The following ARL15 variants were observed in gnomAD, a reference collection of about 807,000 sequenced individuals.
ARL15 encodes the protein ADP-ribosylation factor-like protein 15.
Under a neutral mutation model 25.2 loss-of-function variants are expected in ARL15, and 19 were observed. The observed-to-expected ratio is 0.75, with a 90% confidence interval of 0.53 to 1.10. The LOEUF is 1.10. Ranked by LOEUF, ARL15 falls within the 50% of genes least tolerant of loss-of-function variation. ARL15 has a pLI of 0.00. For missense variants in ARL15, 220 were observed against 246.0 expected, an observed-to-expected ratio of 0.89 and a Z score of 0.71; for synonymous variants, 94 against 86.8, an observed-to-expected ratio of 1.08 and a Z score of -0.46.
intron 4 of ARL15, among the ~76,000 whole-genome samples, chr5:54,067,438 TGAAA>T (rs1751276341): frequency 1.3e-5 from 2 of 152,216 alleles, no homozygotes; most frequent in African/African-American, 2.4e-5. Flanking sequence ...CTTGCAGGCA[TGAAA>T]GAAAGGAAAT....
chr5:54,023,214 G>A (rs1416715220), intron 4 of ARL15, among the ~76,000 whole-genome samples: 2 of 151,574 alleles, frequency 1.3e-5, no homozygotes, highest in East Asian at 3.9e-4. Context: ...ACTTGAATTA[G>A]TAAAATGTTG....
intron 1 of ARL15, among the ~76,000 whole-genome samples, chr5:54,296,209 T>G (rs1758462332): frequency 6.6e-6 from 1 of 152,200 alleles, no homozygotes; most frequent in Non-Finnish European, 1.5e-5. Flanking sequence ...TTTGGAAGGC[T>G]GGTAGGGGGA....
At chr5:53,951,089 A>G (rs977447705) in intron 4 of ARL15, among the ~76,000 whole-genome samples, 1 of 152,256 alleles carries the variant, frequency 6.6e-6, no homozygotes, top group African/African-American at 2.4e-5. Context: ...AAGAACATAA[A>G]AATTAGATGA....
chr5:53,932,918 C>T (rs570780032), intron 4 of ARL15, among the ~76,000 whole-genome samples: 12 of 152,158 alleles, frequency 7.9e-5, no homozygotes, highest in Non-Finnish European at 1.6e-4. Flanking sequence ...TCTCCTTTCT[C>T]GTAATCCCCG....
chr5:53,916,713 A>G (rs1396348624), intron 4 of ARL15, among the ~76,000 whole-genome samples: 3 of 152,166 alleles, frequency 2.0e-5, no homozygotes, highest in Non-Finnish European at 4.4e-5. Flanking sequence ...TGAAACAAGA[A>G]AAAGGCCAGA....
intron 4 of ARL15, among the ~76,000 whole-genome samples, chr5:53,896,698 G>C (rs1744886039): frequency 6.6e-6 from 1 of 151,998 alleles, no homozygotes; most frequent in African/African-American, 2.4e-5. Context: ...GGGTTTCACT[G>C]TGTTAGCCAG....
At chr5:54,184,780 A>T (rs1179003225) in intron 1 of ARL15, among the ~76,000 whole-genome samples, 1 of 152,090 alleles carries the variant, frequency 6.6e-6, no homozygotes, top group Non-Finnish European at 1.5e-5. Flanking sequence ...AATCTGTCCA[A>T]CTTTGCCTCT....
At chr5:54,146,129 TTTTTA>T (rs533522763) in intron 3 of ARL15, among the ~76,000 whole-genome samples, 4 of 152,080 alleles carry the variant, frequency 2.6e-5, no homozygotes, top group Non-Finnish European at 5.9e-5. Flanking sequence ...TATTAGTTAT[TTTTTA>T]TTTTATGTAT....
intron 3 of ARL15, among the ~76,000 whole-genome samples, chr5:54,149,906 AC>A (rs576331757): frequency 2.0e-5 from 3 of 152,236 alleles, no homozygotes; most frequent in Non-Finnish European, 4.4e-5. Context: ...ATATAGGAAA[AC>A]AAAAAGTTCA....
chr5:54,042,937 C>T (rs936531046), intron 4 of ARL15, among the ~76,000 whole-genome samples: 3 of 152,046 alleles, frequency 2.0e-5, no homozygotes, highest in African/African-American at 7.2e-5. Flanking sequence ...AAAAAATAAA[C>T]CTATATATAG....
chr5:54,099,992 T>C (rs1752389008), intron 4 of ARL15, among the ~76,000 whole-genome samples: 2 of 149,030 alleles, frequency 1.3e-5, no homozygotes, highest in Admixed American at 6.6e-5. Flanking sequence ...CCTGGGTATA[T>C]CCTGTGACCC....
At chr5:53,979,247 A>G (rs1748041545) in intron 4 of ARL15, among the ~76,000 whole-genome samples, 1 of 152,112 alleles carries the variant, frequency 6.6e-6, no homozygotes, top group Admixed American at 6.6e-5. Flanking sequence ...ATTAAAATTC[A>G]TGGGCTGTGG....
intron 3 of ARL15, among the ~76,000 whole-genome samples, chr5:54,148,785 C>G (rs2112332754): frequency 6.6e-6 from 1 of 152,292 alleles, no homozygotes; most frequent in South Asian, 2.1e-4. Flanking sequence ...AGTCATTTGA[C>G]ACACCCAGTC....
intron 4 of ARL15, among the ~76,000 whole-genome samples, chr5:53,982,507 A>C (rs942499155): frequency 2.6e-5 from 4 of 152,130 alleles, no homozygotes; most frequent in Non-Finnish European, 4.4e-5. Context: ...CCTGCAAAGG[A>C]CATGGATTCA....
At chr5:54,174,636 A>G (rs1754813052) in intron 1 of ARL15, among the ~76,000 whole-genome samples, 1 of 152,196 alleles carries the variant, frequency 6.6e-6, no homozygotes, top group Non-Finnish European at 1.5e-5. Flanking sequence ...CTCTCCCACA[A>G]GATTAATGAC....
intron 4 of ARL15, among the ~76,000 whole-genome samples, chr5:53,906,395 C>A (rs529812608): frequency 6.6e-6 from 1 of 152,124 alleles, no homozygotes; most frequent in East Asian, 1.9e-4. Flanking sequence ...TGACCACTGG[C>A]CCTGTACATC....
chr5:54,172,451 G>C (rs535258813), intron 1 of ARL15, among the ~76,000 whole-genome samples: 1 of 152,046 alleles, frequency 6.6e-6, no homozygotes, highest in African/African-American at 2.4e-5. Flanking sequence ...ACATTATTGA[G>C]ACAATAAGTG....
rs1751756454 is a variant in ARL15 at position 54,080,347 on chromosome 5, A to G, written c.462+32855T>C. 3.9e-5 allele frequency among the ~76,000 whole-genome samples: 6 copies of G among 152,248 alleles called. No homozygotes were observed. The South Asian group carries it at 1.2e-3, about 32-fold the overall frequency. On this transcript the variant is annotated intron_variant, in intron 4 of 4. Transcript: ENST00000504924. ...AATTCATTCAGTGCTGCTGGTTACA[A>G]ATGATATGGTATTCAAGTTACTTTT...
intron 4 of ARL15, among the ~76,000 whole-genome samples, chr5:54,070,056 C>T (rs1375475389): frequency 6.6e-6 from 1 of 151,264 alleles, no homozygotes; most frequent in Non-Finnish European, 1.5e-5. Context: ...AATGGATTAT[C>T]ATGGGAGTGG....
Sources: allele counts gnomAD v4.1 joint callset (sites outside exome capture counted in the v4.1 genomes callset), GRCh38; gene constraint gnomAD v4.1.1; transcripts MANE v1.5; gene names NCBI Gene and HGNC (gene_info 2026-07-23, HGNC 2026-07-21).